The following SLC25A13 variants were observed in gnomAD, a reference collection of about 807,000 sequenced individuals.
SLC25A13 encodes solute carrier family 25 member 13, also known as electrogenic aspartate/glutamate antiporter SLC25A13, mitochondrial.
A neutral mutation model predicts 85.5 loss-of-function variants in SLC25A13; 70 were observed. The ratio of observed to expected loss-of-function variants is 0.82; its 90% CI spans 0.68 to 1.00. SLC25A13 has a LOEUF of 1.00. SLC25A13 is among the 50% of genes least tolerant of loss of function. The probability of loss-of-function intolerance (pLI) is 0.00; values close to 1 mark genes in which losing one functional copy is unlikely to be tolerated. For missense variants in SLC25A13, 765 were observed against 819.8 expected (o/e 0.93, Z 0.82); for synonymous variants, 259 against 288.7 (o/e 0.90, Z 1.04).
At chr7:96,140,498 G>A (rs1792493849) in intron 14 of SLC25A13, among the ~76,000 whole-genome samples, 1 of 139,738 alleles carries the variant, frequency 7.2e-6, no homozygotes, top group Admixed American at 7.8e-5. Context: ...TCCACCTCCC[G>A]GGTTCAAGTG....
chr7:96,203,963 T>A (rs1795362937), intron 5 of SLC25A13, among the ~76,000 whole-genome samples: 1 of 152,086 alleles, frequency 6.6e-6, no homozygotes. Context: ...TGCAACAGAG[T>A]GGGAACGGCA....
chr7:96,184,723 A>G, intron 10 of SLC25A13: 1 of 640,386 alleles, frequency 1.6e-6, no homozygotes, highest in East Asian at 2.7e-5. Context: ...AGATAGAGGA[A>G]AATGCCACTT....
intron 2 of SLC25A13, among the ~76,000 whole-genome samples, chr7:96,294,104 A>G (rs1482540194): frequency 6.6e-6 from 1 of 152,060 alleles, no homozygotes; most frequent in African/African-American, 2.4e-5. Flanking sequence ...GCAGCCATAA[A>G]AAATGATGAG....
intron 13 of SLC25A13, among the ~76,000 whole-genome samples, chr7:96,168,161 G>T (rs569057348): frequency 9.5e-6 from 1 of 105,076 alleles, no homozygotes; most frequent in Non-Finnish European, 1.9e-5. Flanking sequence ...CACACACACA[G>T]AAAATGGAAC....
intron 9 of SLC25A13, among the ~76,000 whole-genome samples, chr7:96,185,353 T>G (rs1016649230): frequency 2.0e-5 from 3 of 151,836 alleles, no homozygotes; most frequent in African/African-American, 7.3e-5. Flanking sequence ...ATCCCAGCAC[T>G]TTGGGAGGCT....
At position 96,207,450 on chromosome 7, in the gene SLC25A13, C is replaced by T. The variant is rs151131392; in HGVS notation, c.468+1388G>A. Among the ~76,000 whole-genome samples, 35 of 152,148 alleles carry T rather than the reference C, an allele frequency of 2.3e-4. No homozygotes were observed. In the East Asian group the frequency reaches 6.2e-3, roughly 27 times the overall value. Reference sequence around the variant, plus strand: ...GGGCTCTGGCAAGGTCTGGAACACACGAAAAAGCCAGGGGCACCAGGATAC... The same window carrying T: ...GGGCTCTGGCAAGGTCTGGAACACATGAAAAAGCCAGGGGCACCAGGATAC... On this transcript the variant is annotated intron_variant, in intron 5 of 17. Coordinates refer to ENST00000265631, the MANE Select transcript of SLC25A13 (RefSeq NM_014251.3).
At chr7:96,296,873 A>G (rs375064661) in intron 2 of SLC25A13, 25 bp downstream of exon 2, 17 of 1,602,188 alleles carry the variant, frequency 1.1e-5, no homozygotes, top group Admixed American at 8.3e-5. Context: ...CAAACAAGAA[A>G]CAAAATAGAT....
At chr7:96,261,625 C>T (rs1325729484) in intron 3 of SLC25A13, among the ~76,000 whole-genome samples, 1 of 152,188 alleles carries the variant, frequency 6.6e-6, no homozygotes, top group East Asian at 1.9e-4. Context: ...ACTGTATTTA[C>T]TAGGAAGCAA....
At chr7:96,212,249 C>T (rs1795727382) in intron 4 of SLC25A13, among the ~76,000 whole-genome samples, 1 of 152,052 alleles carries the variant, frequency 6.6e-6, no homozygotes, top group Non-Finnish European at 1.5e-5. Flanking sequence ...TGTGGCTGTT[C>T]CAATATACTG....
intron 3 of SLC25A13, 79 bp from the exon 4 acceptor site, chr7:96,234,996 A>T (rs1398707725): frequency 1.0e-6 from 1 of 979,248 alleles, no homozygotes; most frequent in Non-Finnish European, 1.6e-6. Context: ...CACTGAGGGA[A>T]AAAATAAGAT....
At position 96,301,500 on chromosome 7, in the gene SLC25A13, TAAG is replaced by T. The variant is rs375523608; in HGVS notation, c.16-4552_16-4550del. Among the ~76,000 whole-genome samples the T allele has an allele frequency of 5.9e-3, 894 of 152,276 alleles. 10 individuals carry two copies. Among genetic ancestry groups the T allele is most frequent in the South Asian group, 0.029 (139 of 4,826 alleles). ...TTTTCAAACATACAGAGTAATTCAC[TAAG>T]AAGAAAGGGGTCCTTTACAGATTAC... On this transcript the variant is annotated intron_variant, in intron 1 of 17. Coordinates refer to ENST00000265631, the MANE Select transcript of SLC25A13 (RefSeq NM_014251.3).
chr7:96,153,361 A>T (rs146795327), intron 13 of SLC25A13, among the ~76,000 whole-genome samples: 1 of 152,264 alleles, frequency 6.6e-6, no homozygotes, highest in African/African-American at 2.4e-5. Context: ...ATAGGAAGTT[A>T]TGATTAAGTT....
intron 3 of SLC25A13, among the ~76,000 whole-genome samples, chr7:96,250,038 C>T (rs1453575860): frequency 3.3e-5 from 5 of 152,008 alleles, no homozygotes; most frequent in Non-Finnish European, 5.9e-5. Context: ...TAAAAATTAG[C>T]CAGGTGTGGT....
intron 2 of SLC25A13, among the ~76,000 whole-genome samples, chr7:96,289,936 G>GC (rs1400569791): frequency 6.6e-6 from 1 of 152,122 alleles, no homozygotes; most frequent in Non-Finnish European, 1.5e-5. Flanking sequence ...CTCGAGAAGA[G>GC]CAAGTCCAAG....
At chr7:96,191,042 C>T (rs1191714021) in intron 7 of SLC25A13, 67 bp downstream of exon 7, 12 of 1,580,266 alleles carry the variant, frequency 7.6e-6, no homozygotes, top group Non-Finnish European at 1.0e-5. Context: ...TACTAGTTGC[C>T]TTCTTCACCC....
chr7:96,133,657 C>T (rs936262929), intron 14 of SLC25A13, among the ~76,000 whole-genome samples: 1 of 152,170 alleles, frequency 6.6e-6, no homozygotes, highest in Non-Finnish European at 1.5e-5. Flanking sequence ...ACAATATCAG[C>T]GTTTAGTTTC....
At chr7:96,275,328 A>G (rs1204261716) in intron 3 of SLC25A13, among the ~76,000 whole-genome samples, 2 of 152,206 alleles carry the variant, frequency 1.3e-5, no homozygotes, top group South Asian at 2.1e-4. Context: ...TCAGTGTGGC[A>G]ATTCCTCAGG....
intron 5 of SLC25A13, among the ~76,000 whole-genome samples, chr7:96,205,630 C>A (rs531247883): frequency 2.0e-5 from 3 of 152,254 alleles, no homozygotes; most frequent in African/African-American, 7.2e-5. Context: ...TTACTAGATG[C>A]AAAGTTCAAA....
chr7:96,136,659 T>G (rs1176637099), intron 14 of SLC25A13, among the ~76,000 whole-genome samples: 1 of 152,188 alleles, frequency 6.6e-6, no homozygotes, highest in Non-Finnish European at 1.5e-5. Flanking sequence ...GCAGGTCTTT[T>G]TGCATGCTAA....
Sources: gnomAD v4.1 joint callset for allele counts (sites outside exome capture counted in the v4.1 genomes callset) on GRCh38, gnomAD v4.1.1 for gene constraint, MANE v1.5 for transcripts, NCBI Gene and HGNC (gene_info 2026-07-23, HGNC 2026-07-21) for gene names.